Variants in RB1 observed in about 807,000 individuals in gnomAD.
The protein encoded by RB1 is RB transcriptional corepressor 1.
A neutral mutation model predicts 135.4 loss-of-function variants in RB1; 18 were observed. The observed-to-expected ratio is 0.13, with a 90% CI of 0.09 to 0.20. The LOEUF is 0.20. Among genes scored for constraint, RB1 ranks in the 10% least tolerant of loss-of-function variants. RB1 has a pLI of 1.00. For missense variants in RB1, 868 were observed against 1,110.0 expected (o/e 0.78, Z 3.10); for synonymous variants, 365 against 373.2 (o/e 0.98, Z 0.25).
At position 48,390,881 on chromosome 13, in the gene RB1, A is replaced by G. The variant is rs114501890; in HGVS notation, c.1695+9438A>G. On this transcript the variant is annotated intron_variant, in intron 17 of 26. Transcript: ENST00000267163. ...AAGAAGTGATTTTCTTATAGGCAGC[A>G]TATTGTTGGGTGTTGCTTTCTTAAA... Among the ~76,000 whole-genome samples the G allele has an allele frequency of 1.0e-2, 1,516 of 152,264 alleles. 36 individuals carry two copies. The highest frequency in any genetic ancestry group is 0.035 in the African/African-American group (1,438 of 41,538).
At chr13:48,327,620 A>C (rs561059683) in intron 2 of RB1, among the ~76,000 whole-genome samples, 11 of 152,344 alleles carry the variant, frequency 7.2e-5, no homozygotes, top group Non-Finnish European at 1.3e-4. Flanking sequence ...CTTTCAGTCA[A>C]TAGTTCAGTA....
chr13:48,342,872 C>T (rs1190800597), intron 3 of RB1, among the ~76,000 whole-genome samples, 158 bp downstream of exon 3: 3 of 151,964 alleles, frequency 2.0e-5, no homozygotes, highest in East Asian at 1.9e-4. Flanking sequence ...CTCATGGAGC[C>T]GTTATGAAAG....
intron 2 of RB1, among the ~76,000 whole-genome samples, chr13:48,327,167 T>C (rs1171074299): frequency 6.7e-6 from 1 of 148,808 alleles, no homozygotes; most frequent in Non-Finnish European, 1.5e-5. Context: ...GTTTTCCATC[T>C]TCATACAATG....
chr13:48,473,871 T>TCCC (rs1182157594), intron 24 of RB1, among the ~76,000 whole-genome samples: 1 of 152,094 alleles, frequency 6.6e-6, no homozygotes, highest in Non-Finnish European at 1.5e-5. Context: ...AAGTGTCAGG[T>TCCC]CCCCAGGCTA....
In RB1 at chr13:48,376,688, G is replaced by T. The variant is rs4151532; in HGVS notation, c.1216-230G>T. ...TTTGCTCTTCTCTAGCCTAGTGGCAGAAAATTTAGATAATAGGGTTTTTTA... is the reference window on the plus strand; with the variant it reads ...TTTGCTCTTCTCTAGCCTAGTGGCATAAAATTTAGATAATAGGGTTTTTTA... On this transcript the variant is annotated intron_variant, in intron 12 of 26. Transcript: ENST00000267163. 0.052 allele frequency among the ~76,000 whole-genome samples: 7,987 copies of T among 152,188 alleles called. 269 individuals carry two copies. The highest frequency in any genetic ancestry group is 0.076 in the Non-Finnish European group (5,186 of 67,994).
chr13:48,411,411 A>G, intron 17 of RB1: 1 of 1,612,188 alleles, frequency 6.2e-7, no homozygotes, highest in Non-Finnish European at 8.5e-7. Flanking sequence ...TTCATTGTCA[A>G]ATATCTTACT....
At chr13:48,328,475 C>T (rs1243763547) in intron 2 of RB1, 26 of 887,044 alleles carry the variant, frequency 2.9e-5, no homozygotes, top group Admixed American at 1.5e-4. Context: ...CTCAGCGCTG[C>T]GGCTGGAACT....
At chr13:48,422,681 G>C (rs994855051) in intron 17 of RB1, 6 of 152,098 alleles carry the variant, frequency 3.9e-5, no homozygotes, top group African/African-American at 1.4e-4. Context: ...TGTGGTCCCA[G>C]CTGGTTGGGA....
rs145691713 is a variant in RB1 at position 48,423,206 on chromosome 13, A to G, written c.1696-29787A>G. 2.9e-3 allele frequency among the ~76,000 whole-genome samples: 438 copies of G among 152,324 alleles called. 2 individuals carry two copies. The highest frequency in any genetic ancestry group is 9.5e-3 in the African/African-American group (393 of 41,576). On this transcript the variant is annotated intron_variant, in intron 17 of 26. Transcript: ENST00000267163. ...GTAATGCATCGGTTTTTAAAATTTAATGACATCTGATTCTGATTCTTTGAA... is the reference window on the plus strand; with the variant it reads ...GTAATGCATCGGTTTTTAAAATTTAGTGACATCTGATTCTGATTCTTTGAA...
intron 17 of RB1, among the ~76,000 whole-genome samples, chr13:48,416,910 G>A (rs559939416): frequency 1.2e-4 from 19 of 152,308 alleles, no homozygotes; most frequent in Admixed American, 1.2e-3. Context: ...AAAGGCAGCA[G>A]CCCCAGTCAG....
At chr13:48,465,644 T>C (rs1413229193) in intron 23 of RB1, among the ~76,000 whole-genome samples, 2 of 151,550 alleles carry the variant, frequency 1.3e-5, no homozygotes, top group African/African-American at 2.4e-5. Context: ...CCATCTGAGG[T>C]ACCGGGTTCA....
At chr13:48,466,686 G>T (rs1342206171) in intron 23 of RB1, among the ~76,000 whole-genome samples, 1 of 117,962 alleles carries the variant, frequency 8.5e-6, no homozygotes, top group Admixed American at 9.2e-5. Context: ...TATATAACTA[G>T]AATAACCAAT....
intron 2 of RB1, among the ~76,000 whole-genome samples, chr13:48,326,193 G>A (rs189274094): frequency 3.7e-4 from 57 of 152,036 alleles, no homozygotes; most frequent in African/African-American, 1.3e-3. Context: ...TGCTTAGTAG[G>A]CATTTAGTAA....
chr13:48,322,043 A>G (rs1952246871), intron 2 of RB1, among the ~76,000 whole-genome samples: 1 of 152,128 alleles, frequency 6.6e-6, no homozygotes, highest in Non-Finnish European at 1.5e-5. Flanking sequence ...TTATTTTGCT[A>G]TGCAGAAACT....
intron 18 of RB1, among the ~76,000 whole-genome samples, chr13:48,454,764 G>T (rs1281582592): frequency 6.6e-6 from 1 of 152,204 alleles, no homozygotes; most frequent in South Asian, 2.1e-4. Flanking sequence ...TGCTAGCTAG[G>T]CAAAAACCTG....
intron 17 of RB1, chr13:48,411,853 C>A: frequency 6.2e-7 from 1 of 1,613,752 alleles, no homozygotes; most frequent in Non-Finnish European, 8.5e-7. Context: ...AAAAATCCCA[C>A]TATTTCGATG....
At position 48,459,729 on chromosome 13, in the gene RB1, C is replaced by T. The variant is rs369755801; in HGVS notation, c.2002C>T (p.Arg668Cys). Residue 668 changes from arginine to cysteine, a missense_variant, in exon 20 of 27, where the codon CGC becomes TGC. Physicochemically the swap from Arg to Cys is radical, Grantham distance 180 (BLOSUM62 -3). Coordinates refer to ENST00000267163, the MANE Select transcript of RB1 (RefSeq NM_000321.3). ...AYLRLNTLCERLLSEHPELEH... is the reference protein window; with the variant it reads ...AYLRLNTLCECLLSEHPELEH... ...TCTCCGGCTAAATACACTTTGTGAACGCCTTCTGTCTGAGCACCCAGAATT... is the reference window on the plus strand; with the variant it reads ...TCTCCGGCTAAATACACTTTGTGAATGCCTTCTGTCTGAGCACCCAGAATT... 1.4e-5 allele frequency: 22 copies of T among 1,613,844 alleles called. No individual in the cohort carries two copies. The highest frequency in any genetic ancestry group is 1.1e-4 in the East Asian group (5 of 44,878).
intron 2 of RB1, among the ~76,000 whole-genome samples, chr13:48,337,280 GT>G (rs1386611680): frequency 1.3e-5 from 2 of 152,164 alleles, no homozygotes; most frequent in African/African-American, 4.8e-5. Context: ...ACAGTGGGGT[GT>G]TAAAGTCTCC....
chr13:48,391,339 A>G (rs1310297359), intron 17 of RB1: 1 of 152,218 alleles, frequency 6.6e-6, no homozygotes, highest in Non-Finnish European at 1.5e-5. Context: ...TAAACCAATT[A>G]TCTCTTAAAG....
Sources: gnomAD v4.1 joint callset for allele counts (sites outside exome capture counted in the v4.1 genomes callset) on GRCh38, gnomAD v4.1.1 for gene constraint, MANE v1.5 for transcripts, NCBI Gene and HGNC (gene_info 2026-07-23, HGNC 2026-07-21) for gene names.